The following FBXL7 variants were observed in gnomAD, a reference collection of about 807,000 sequenced individuals.
FBXL7 encodes the protein F-box and leucine rich repeat protein 7.
In FBXL7, 12 loss-of-function variants were observed where a neutral mutation model predicts 38.3. The ratio of observed to expected loss-of-function variants is 0.31; its 90% confidence interval spans 0.20 to 0.51. The LOEUF is 0.51. Ranked by LOEUF, FBXL7 falls within the 20% of genes least tolerant of loss-of-function variation. The probability of loss-of-function intolerance (pLI) is 0.98; values close to 1 mark genes in which losing one functional copy is unlikely to be tolerated. For synonymous variants in FBXL7, 297 were observed against 300.9 expected (o/e 0.99, Z 0.13); for missense variants, 567 against 676.4 (o/e 0.84, Z 1.79).
intron 2 of FBXL7, among the ~76,000 whole-genome samples, chr5:15,689,764 TG>T (rs1464014222): frequency 6.6e-6 from 1 of 152,188 alleles, no homozygotes; most frequent in Non-Finnish European, 1.5e-5. Flanking sequence ...ATTTTGCAGA[TG>T]AGGAAACTGT....
At chr5:15,539,354 G>A (rs1180536051) in intron 1 of FBXL7, among the ~76,000 whole-genome samples, 1 of 152,198 alleles carries the variant, frequency 6.6e-6, no homozygotes, top group African/African-American at 2.4e-5. Context: ...ACAACAGAAA[G>A]CCCAGGTTGA....
intron 2 of FBXL7, among the ~76,000 whole-genome samples, chr5:15,676,482 G>C (rs1287665715): frequency 6.6e-6 from 1 of 152,128 alleles, no homozygotes; most frequent in Non-Finnish European, 1.5e-5. Flanking sequence ...AAAGGTTTTT[G>C]TTTTTGTATT....
At chr5:15,808,483 G>A (rs1296430746) in intron 2 of FBXL7, among the ~76,000 whole-genome samples, 1 of 151,968 alleles carries the variant, frequency 6.6e-6, no homozygotes, top group Admixed American at 6.6e-5. Flanking sequence ...TCATCTTCAG[G>A]CGACACCATG....
chr5:15,682,781 G>C lies in FBXL7; in HGVS notation c.127+66709G>C, dbSNP rs116736047. On this transcript the variant is annotated intron_variant, in intron 2 of 3. Transcript: ENST00000504595. ...TGTGTGTGCAGGCTGCATCTTAACT[G>C]ATGGAATCAGCCTGTTGCCACATGG... Among the ~76,000 whole-genome samples, 887 of 152,320 alleles carry C rather than the reference G, an allele frequency of 5.8e-3. 4 individuals carry two copies. The highest frequency in any genetic ancestry group is 0.01 in the Middle Eastern group (3 of 294).
chr5:15,879,815 A>C (rs779073001), intron 2 of FBXL7, among the ~76,000 whole-genome samples: 1 of 152,240 alleles, frequency 6.6e-6, no homozygotes, highest in Non-Finnish European at 1.5e-5. Context: ...TCAATACCAA[A>C]GCATTCTAAA....
chr5:15,624,051 T>A (rs1339071878), intron 2 of FBXL7, among the ~76,000 whole-genome samples: 1 of 152,234 alleles, frequency 6.6e-6, no homozygotes, highest in African/African-American at 2.4e-5. Context: ...CAAAGTATAT[T>A]TTTACTGTAC....
intron 3 of FBXL7, chr5:15,935,342 G>T: frequency 2.4e-6 from 1 of 410,338 alleles, no homozygotes; most frequent in Non-Finnish European, 4.9e-6. Context: ...TAAGGGCAGG[G>T]AAGGGAGTCT....
rs7726256 is a variant in FBXL7 at position 15,866,204 on chromosome 5, A to G, written c.128-61686A>G. 4.2e-3 allele frequency among the ~76,000 whole-genome samples: 636 copies of G among 152,328 alleles called. 6 individuals carry two copies. The highest frequency in any genetic ancestry group is 0.014 in the African/African-American group (582 of 41,576). ...GAAACAGAGGTAGATTTTGTTTTCAATTATGGCTGCAGTTCTACATGTTAT... is the reference window on the plus strand; with the variant it reads ...GAAACAGAGGTAGATTTTGTTTTCAGTTATGGCTGCAGTTCTACATGTTAT... On this transcript the variant is annotated intron_variant, in intron 2 of 3. Coordinates refer to ENST00000504595, the MANE Select transcript of FBXL7 (RefSeq NM_012304.5).
At chr5:15,931,423 G>A (rs377257978) in intron 3 of FBXL7, among the ~76,000 whole-genome samples, 4 of 152,204 alleles carry the variant, frequency 2.6e-5, no homozygotes, top group East Asian at 3.9e-4. Context: ...AACCAGTAGA[G>A]TCCTGTTCAG....
intron 2 of FBXL7, among the ~76,000 whole-genome samples, chr5:15,799,714 C>A (rs1473724427): frequency 6.6e-6 from 1 of 152,122 alleles, no homozygotes; most frequent in African/African-American, 2.4e-5. Context: ...TGTCTTAATT[C>A]AAAAGCTTGA....
intron 2 of FBXL7, among the ~76,000 whole-genome samples, chr5:15,851,920 A>AG (rs1208813673): frequency 1.3e-5 from 2 of 151,904 alleles, no homozygotes; most frequent in Non-Finnish European, 2.9e-5. Context: ...CCTCCCCCTA[A>AG]GGTAACCACT....
intron 1 of FBXL7, among the ~76,000 whole-genome samples, chr5:15,515,325 C>T (rs1292810848): frequency 6.6e-6 from 1 of 152,192 alleles, no homozygotes; most frequent in Non-Finnish European, 1.5e-5. Flanking sequence ...TAGCACATAG[C>T]TAGCTGGCAA....
chr5:15,721,251 A>T (rs4571472), intron 2 of FBXL7, among the ~76,000 whole-genome samples: 6 of 151,794 alleles, frequency 4.0e-5, no homozygotes, highest in Admixed American at 1.3e-4. Context: ...ATTTTTTTTT[A>T]GTGTAAAACC....
At chr5:15,771,281 G>C (rs1736722802) in intron 2 of FBXL7, among the ~76,000 whole-genome samples, 1 of 152,142 alleles carries the variant, frequency 6.6e-6, no homozygotes. Flanking sequence ...TCACTTCTCT[G>C]ATAAATGTAG....
chr5:15,525,510 G>T lies in FBXL7; in HGVS notation c.37+24797G>T, dbSNP rs533200752. 3.3e-5 allele frequency among the ~76,000 whole-genome samples: 5 copies of T among 152,056 alleles called. No individual in the cohort carries two copies. The East Asian group carries it at 9.6e-4, about 29-fold the overall frequency. ...TGGAGAAGTGCAATCACCTATGCAC[G>T]GGTACACAAGTTAAGTGTTTGAGTT... is the stretch of plus-strand genomic sequence containing the variant. On this transcript the variant is annotated intron_variant, in intron 1 of 3. Coordinates refer to ENST00000504595, the MANE Select transcript of FBXL7 (RefSeq NM_012304.5).
Position 15,669,479 on chromosome 5 carries a change from C to A in FBXL7, c.127+53407C>A, listed in dbSNP as rs574303426. 7.2e-4 allele frequency among the ~76,000 whole-genome samples: 110 copies of A among 152,286 alleles called. 2 individuals are homozygous for A. The South Asian group carries it at 0.021, about 29-fold the overall frequency. On this transcript the variant is annotated intron_variant, in intron 2 of 3. Transcript: ENST00000504595. ...ATGGAGGAGACACTAGCGTGGGATG[C>A]AGGACTGCTCTTACATACGTTTTTA... is the stretch of plus-strand genomic sequence containing the variant.
rs532753007 is a variant in FBXL7, at chr5:15,571,105, A to AG, written c.38-44878_38-44877insG. Among the ~76,000 whole-genome samples, 1,197 of 150,652 alleles carry AG rather than the reference A, an allele frequency of 7.9e-3. 3 individuals carry two copies. Among genetic ancestry groups the AG allele is most frequent in the Non-Finnish European group, 0.014 (955 of 67,862 alleles). ...AGATTCTGTCTTTAAAAAAAAAAAA[A>AG]AAAAAGAAAAAAGAAACTTTAAAAT... On this transcript the variant is annotated intron_variant, in intron 1 of 3. Transcript: ENST00000504595.
At chr5:15,628,264 G>T (rs1740882116) in intron 2 of FBXL7, among the ~76,000 whole-genome samples, 1 of 152,124 alleles carries the variant, frequency 6.6e-6, no homozygotes, top group African/African-American at 2.4e-5. Context: ...TCAGATGTGG[G>T]CTATAGAAAA....
chr5:15,669,760 ATTAATG>A (rs1163065712), intron 2 of FBXL7, among the ~76,000 whole-genome samples: 3 of 152,228 alleles, frequency 2.0e-5, no homozygotes, highest in East Asian at 3.8e-4. Flanking sequence ...AATGATCATT[ATTAATG>A]TTAATGTGGA....
Sources: gnomAD v4.1 joint callset for allele counts (sites outside exome capture counted in the v4.1 genomes callset) on GRCh38, gnomAD v4.1.1 for gene constraint, MANE v1.5 for transcripts, NCBI Gene and HGNC (gene_info 2026-07-23, HGNC 2026-07-21) for gene names.